The following PITRM1 variants were observed in gnomAD, a reference collection of about 807,000 sequenced individuals.
PITRM1 encodes the protein presequence protease, mitochondrial.
Under a neutral mutation model 129.9 loss-of-function variants are expected in PITRM1, and 100 were observed. The ratio of observed to expected loss-of-function variants is 0.77; its 90% CI spans 0.65 to 0.91. The LOEUF is 0.91. Among genes scored for constraint, PITRM1 ranks in the 40% least tolerant of loss-of-function variants. The pLI, the probability that PITRM1 is intolerant of heterozygous loss-of-function variation, is 0.00. For synonymous variants in PITRM1, 591 were observed against 508.8 expected (o/e 1.16, Z -2.17); for missense variants, 1,471 against 1,318.3 (o/e 1.12, Z -1.79).
chr10:3,157,384 G>T, intron 12 of PITRM1, 51 bp downstream of exon 12: 1 of 1,126,294 alleles, frequency 8.9e-7, no homozygotes, highest in South Asian at 1.4e-5. Context: ...CTAGTAACAA[G>T]ACAAAATGTC....
At chr10:3,140,100 T>A (rs1183705211) in intron 24 of PITRM1, among the ~76,000 whole-genome samples, 1 of 152,148 alleles carries the variant, frequency 6.6e-6, no homozygotes, top group African/African-American at 2.4e-5. Context: ...ATGATAAAGT[T>A]TATAGATTAG....
At chr10:3,138,643 T>C (rs41314944) in intron 25 of PITRM1, 10 of 614,972 alleles carry the variant, frequency 1.6e-5, no homozygotes, top group Non-Finnish European at 2.9e-5. Context: ...GCCCACGTCC[T>C]CCTTCCACCC....
At chr10:3,172,802 A>G, upstream of PITRM1, 2 of 1,464,284 alleles carry the variant, frequency 1.4e-6, no homozygotes, top group Non-Finnish European at 1.8e-6. Context: ...GCTGGCGAGG[A>G]ACCCCCTCTT....
At chr10:3,144,388 G>A (rs772234229) in intron 21 of PITRM1, 22 bp from the exon 22 acceptor site, 2 of 1,464,710 alleles carry the variant, frequency 1.4e-6, no homozygotes, top group Admixed American at 2.1e-5. Context: ...GTTTCCAAGA[G>A]AAAAGAGAAA....
chr10:3,145,929 A>G (rs1840816158), intron 20 of PITRM1: 1 of 549,240 alleles, frequency 1.8e-6, no homozygotes, highest in African/African-American at 1.9e-5. Context: ...TGTGGCAGCT[A>G]ATGAAGCCGT....
At position 3,145,577 on chromosome 10, in the gene PITRM1, C is replaced by T; in HGVS notation, c.2457+19G>A. ...CACCCACCAGGCGCTCACCGGGCGCCAGCACCACCAGTGCATACCTCGACC... is the reference window on the plus strand; with the variant it reads ...CACCCACCAGGCGCTCACCGGGCGCTAGCACCACCAGTGCATACCTCGACC... On this transcript the variant is annotated intron_variant, in intron 21 of 26. Coordinates refer to ENST00000224949, the MANE Select transcript of PITRM1 (RefSeq NM_014889.4). 6.5e-7 allele frequency: 1 copy of T among 1,547,718 alleles called. No individual in the cohort carries two copies. Among genetic ancestry groups the T allele is most frequent in the Middle Eastern group, 2.3e-4 (1 of 4,352 alleles).
chr10:3,155,554 G>C, intron 14 of PITRM1, 37 bp downstream of exon 14: 1 of 1,612,478 alleles, frequency 6.2e-7, no homozygotes, highest in Non-Finnish European at 8.5e-7. Context: ...CCCGAGTGCA[G>C]GTTAGGGACT....
chr10:3,137,874 CTT>C lies in PITRM1; in HGVS notation c.*155_*156del, dbSNP rs966475840. ...TTCAATGAACCTCTTCCTGGTCACT[CTT>C]AAGATAGATCTGAGTTTTTGACTCG... On this transcript the variant is annotated 3_prime_UTR_variant, in exon 27 of 27. Transcript: ENST00000224949. 2.0e-5 allele frequency: 12 copies of C among 604,640 alleles called. No homozygotes were observed. The highest frequency in any genetic ancestry group is 4.4e-4 in the Middle Eastern group (1 of 2,298). The allele number at this position is 604,640 out of a possible 1,614,324, so 37.5% of individuals were successfully genotyped here.
intron 24 of PITRM1, 106 bp downstream of exon 24, chr10:3,140,581 C>T: frequency 3.7e-6 from 4 of 1,082,556 alleles, no homozygotes; most frequent in Non-Finnish European, 5.4e-6. Context: ...CACAGAACAA[C>T]TTTTGTCTAA....
intron 16 of PITRM1, 27 bp downstream of exon 16, chr10:3,149,592 GAC>G: frequency 6.6e-7 from 1 of 1,516,566 alleles, no homozygotes; most frequent in Admixed American, 2.4e-5. Flanking sequence ...ACATTAATAA[GAC>G]ACACAAGGGT....
intron 14 of PITRM1, among the ~76,000 whole-genome samples, chr10:3,152,464 A>T (rs1365763983): frequency 6.6e-6 from 1 of 152,018 alleles, no homozygotes; most frequent in South Asian, 2.1e-4. Flanking sequence ...CGTGCCACGC[A>T]CTTAGACACG....
At chr10:3,162,286 A>G (rs1441323072) in intron 7 of PITRM1, among the ~76,000 whole-genome samples, 1 of 152,166 alleles carries the variant, frequency 6.6e-6, no homozygotes, top group Non-Finnish European at 1.5e-5. Context: ...CCACAGAACC[A>G]TATTTCAAGA....
chr10:3,172,667 TC>T, intron 1 of PITRM1, 49 bp downstream of exon 1: 2 of 1,503,796 alleles, frequency 1.3e-6, no homozygotes, highest in Non-Finnish European at 8.9e-7. Context: ...CCCTGGACCC[TC>T]CCCTCCCGGG....
Position 3,139,069 on chromosome 10 carries a change from A to C in PITRM1, c.2772-20T>G, listed in dbSNP as rs1295668780. 6.2e-7 allele frequency: 1 copy of C among 1,611,018 alleles called. No homozygotes were observed. Among genetic ancestry groups the C allele is most frequent in the African/African-American group, 1.3e-5 (1 of 74,826 alleles). Reference sequence around the variant, plus strand: ...GGGTCCCTAGGAAACCCAGAGAAATAAACGGGCAAGCATTTTACCAGTGGA... The same window carrying C: ...GGGTCCCTAGGAAACCCAGAGAAATCAACGGGCAAGCATTTTACCAGTGGA... On this transcript the variant is annotated intron_variant, in intron 24 of 26. Transcript: ENST00000224949.
chr10:3,166,117 T>A, intron 4 of PITRM1, 112 bp downstream of exon 4: 1 of 875,982 alleles, frequency 1.1e-6, no homozygotes, highest in Non-Finnish European at 1.7e-6. Context: ...GTAAAAATTT[T>A]TCTAGAACAT....
At chr10:3,147,797 C>T (rs1455498444) in intron 18 of PITRM1, 60 bp from the exon 19 acceptor site, 1 of 1,458,336 alleles carries the variant, frequency 6.9e-7, no homozygotes, top group African/African-American at 1.4e-5. Context: ...CCTTCAGTAT[C>T]ATGGAAAGTT....
Position 3,149,609 on chromosome 10 carries a change from T to C in PITRM1, c.1871+12A>G. The C allele has an allele frequency of 6.5e-7, 1 of 1,542,672 alleles. No individual in the cohort carries two copies. The highest frequency in any genetic ancestry group is 8.7e-7 in the Non-Finnish European group (1 of 1,148,268). On this transcript the variant is annotated intron_variant, in intron 16 of 26. Coordinates refer to ENST00000224949, the MANE Select transcript of PITRM1 (RefSeq NM_014889.4). Reference sequence around the variant, plus strand: ...ATTAATAAGACACACAAGGGTATGTTGCGACTCGTACTTGGTGAGGACGCT... The same window carrying C: ...ATTAATAAGACACACAAGGGTATGTCGCGACTCGTACTTGGTGAGGACGCT...
At chr10:3,138,190 G>T (rs373836332) in intron 26 of PITRM1, 45 bp downstream of exon 26, 1 of 1,577,696 alleles carries the variant, frequency 6.3e-7, no homozygotes, top group Non-Finnish European at 8.7e-7. Context: ...GAGTCAGCAC[G>T]AGGGCTTCCA....
rs149316795 is a variant in PITRM1 at position 3,144,498 on chromosome 10, A to G, written c.2458-132T>C. Reference sequence around the variant, plus strand: ...GGCAGGTGTAAGTGTTTTAAATAATAAACGCTTAAAAAAAATAAAAATAGG... The same window carrying G: ...GGCAGGTGTAAGTGTTTTAAATAATGAACGCTTAAAAAAAATAAAAATAGG... On this transcript the variant is annotated intron_variant, in intron 21 of 26. Transcript: ENST00000224949. The G allele has an allele frequency of 2.8e-3, 1,678 of 601,832 alleles. 35 individuals are homozygous for G. In the East Asian group the frequency reaches 0.043, roughly 15 times the overall value. The allele number at this position is 601,832 out of a possible 1,614,324, so 37.3% of individuals were successfully genotyped here.
Sources: gnomAD v4.1 joint callset for allele counts (sites outside exome capture counted in the v4.1 genomes callset) on GRCh38, gnomAD v4.1.1 for gene constraint, MANE v1.5 for transcripts, NCBI Gene and HGNC (gene_info 2026-07-23, HGNC 2026-07-21) for gene names.